The following LRR1 variants were observed in gnomAD, a reference collection of about 807,000 sequenced individuals.
LRR1 encodes leucine rich repeat protein 1, also known as leucine-rich repeat protein 1.
LRR1 carries 29 observed loss-of-function variants against 31.6 expected under a neutral mutation model. The observed-to-expected ratio is 0.92, with a 90% CI of 0.68 to 1.25. The LOEUF is 1.25. Among genes scored for constraint, LRR1 ranks in the 50% most tolerant of loss-of-function variants. LRR1 has a pLI of 0.00. For missense variants in LRR1, 485 were observed against 487.2 expected, an observed-to-expected ratio of 1.00 and a Z score of 0.04; for synonymous variants, 179 against 181.4, an observed-to-expected ratio of 0.99 and a Z score of 0.10.
At position 49,599,127 on chromosome 14, in the gene LRR1, C is replaced by T. The variant is rs1881932330; in HGVS notation, c.107C>T (p.Thr36Ile). Residue 36 changes from threonine to isoleucine, a missense_variant, in exon 1 of 4, where the codon ACT (threonine) becomes ATT (isoleucine). Coordinates refer to ENST00000298288, the MANE Select transcript of LRR1 (RefSeq NM_152329.4). The part of the protein sequence containing the change: ...VRAVLSLCQQ[T>I]SRSQPPVRAF... ...GCCGTGTTGAGCCTCTGTCAGCAGA[C>T]TTCCAGGAGTCAGCCGCCGGTCCGA... The T allele has an allele frequency of 1.2e-6, 2 of 1,608,964 alleles. No homozygotes were observed. Among genetic ancestry groups the T allele is most frequent in the Admixed American group, 1.7e-5 (1 of 59,064 alleles).
Position 49,599,919 on chromosome 14 carries a change from G to A in LRR1, c.183+716G>A, listed in dbSNP as rs1594582584. ...GGCGACGGCGGCGGACCCTCCAGGC[G>A]GGCTGAGGCTGAGCCCGGGGCCGGG... On this transcript the variant is annotated intron_variant, in intron 1 of 3. Coordinates refer to ENST00000298288, the MANE Select transcript of LRR1 (RefSeq NM_152329.4). 6.7e-6 allele frequency: 8 copies of A among 1,186,796 alleles called. No individual in the cohort carries two copies. The East Asian group carries it at 2.5e-4, about 37-fold the overall frequency. The allele number at this position is 1,186,796 out of a possible 1,614,324, so 73.5% of individuals were successfully genotyped here.
chr14:49,611,495 TAAATA>T (rs1882511023), intron 3 of LRR1, among the ~76,000 whole-genome samples: 2 of 152,066 alleles, frequency 1.3e-5, no homozygotes, highest in South Asian at 4.1e-4. Context: ...ATCAGTTAAT[TAAATA>T]AAATCACCAG....
intron 2 of LRR1, 50 bp downstream of exon 2, chr14:49,602,518 T>A (rs774547853): frequency 4.0e-6 from 6 of 1,489,174 alleles, no homozygotes; most frequent in Non-Finnish European, 5.6e-6. Flanking sequence ...ATTTTCTTTA[T>A]TTTTTAGAAA....
intron 1 of LRR1, chr14:49,600,619 A>G: frequency 2.0e-6 from 3 of 1,516,274 alleles, no homozygotes; most frequent in Admixed American, 2.1e-5. Flanking sequence ...CGTGAGAAAC[A>G]TCTTCAGTGG....
In LRR1 at chr14:49,614,416, T is replaced by G. The variant is rs1382995795; in HGVS notation, c.1165T>G (p.Leu389Val). The stretch of plus-strand genomic sequence containing the variant: ...CCACACTGTGGTCTTAGTAGATAAT[T>G]TGGGTGGTACTGAAGCACCTATTAT... ...VAHTVVLVDN[L>V]GGTEAPIISY... Residue 389 changes from leucine to valine, a missense_variant, in exon 4 of 4, where the codon TTG (leucine) becomes GTG (valine). Leu to Val is a conservative substitution (Grantham distance 32). Transcript: ENST00000298288. The G allele has an allele frequency of 6.2e-7, 1 of 1,613,900 alleles. No homozygotes were observed.
Position 49,600,531 on chromosome 14 carries a change from A to G in LRR1, c.183+1328A>G, listed in dbSNP as rs181186958. 2.4e-3 allele frequency: 3,702 copies of G among 1,569,230 alleles called. 32 individuals carry two copies. In the African/African-American group the frequency reaches 0.027, roughly 11 times the overall value. On this transcript the variant is annotated intron_variant, in intron 1 of 3. Coordinates refer to ENST00000298288, the MANE Select transcript of LRR1 (RefSeq NM_152329.4). The stretch of plus-strand genomic sequence containing the variant: ...GAAGACTGTTTTTGATGAGGCTATC[A>G]TAGCCATTTTAACTCCAAAGAAACA...
chr14:49,601,952 A>G (rs1336159810), intron 1 of LRR1, among the ~76,000 whole-genome samples: 5 of 151,748 alleles, frequency 3.3e-5, no homozygotes, highest in African/African-American at 1.2e-4. Context: ...GGCCAACATG[A>G]TGAAACCGTG....
intron 2 of LRR1, among the ~76,000 whole-genome samples, chr14:49,606,293 C>T (rs1489925153): frequency 6.6e-6 from 1 of 151,236 alleles, no homozygotes; most frequent in Admixed American, 6.6e-5. Flanking sequence ...TCCCAAAGTG[C>T]TAGGATTATA....
At chr14:49,601,624 C>T (rs555279159) in intron 1 of LRR1, 1 of 1,289,528 alleles carries the variant, frequency 7.8e-7, no homozygotes, top group South Asian at 1.2e-5. Flanking sequence ...GTGCCCACCC[C>T]AGGCTAATGG....
chr14:49,608,158 A>G lies in LRR1; in HGVS notation c.1004+37A>G, dbSNP rs765788555. ...ATAGTCATGTAATGTGGTGTCTTTG[A>G]TAGCATTCTAATATTCCTATCAAAC... On this transcript the variant is annotated intron_variant, in intron 3 of 3. Coordinates refer to ENST00000298288, the MANE Select transcript of LRR1 (RefSeq NM_152329.4). The G allele has an allele frequency of 5.3e-6, 8 of 1,502,384 alleles. No individual in the cohort carries two copies. In the African/African-American group the frequency reaches 1.1e-4, roughly 21 times the overall value. The allele number at this position is 1,502,384 out of a possible 1,614,324, so 93.1% of individuals were successfully genotyped here. A position where few individuals can be genotyped will look rare whatever the true frequency, so the allele number is the denominator to read the frequency against.
chr14:49,610,602 G>A (rs1334365478), intron 3 of LRR1, among the ~76,000 whole-genome samples: 3 of 150,858 alleles, frequency 2.0e-5, no homozygotes, highest in Non-Finnish European at 4.4e-5. Context: ...TTTCACTCTT[G>A]CCCGGGCTGG....
chr14:49,599,994 AT>A (rs1360957149), intron 1 of LRR1: 20 of 1,603,688 alleles, frequency 1.2e-5, no homozygotes, highest in Non-Finnish European at 1.7e-5. Context: ...CAGCAGCATC[AT>A]GGCTCACGGG....
At chr14:49,612,372 A>T in intron 3 of LRR1, 1 of 781,252 alleles carries the variant, frequency 1.3e-6, no homozygotes, top group Non-Finnish European at 1.6e-6. Flanking sequence ...ACTACTGGTT[A>T]CAAGCATACA....
At chr14:49,604,684 C>T (rs1012734093) in intron 2 of LRR1, among the ~76,000 whole-genome samples, 2 of 151,998 alleles carry the variant, frequency 1.3e-5, no homozygotes, top group Non-Finnish European at 2.9e-5. Flanking sequence ...TAGAGCAAGA[C>T]CCTGTCTCAA....
rs1331301016 is a variant in LRR1 at position 49,614,542 on chromosome 14, G to A, written c.*46G>A. ...AATTTCAATAACAGATCAGTTTGGG[G>A]TGCATGTATGATTTTGCAGCGTCAA... On this transcript the variant is annotated 3_prime_UTR_variant, in exon 4 of 4. Coordinates refer to ENST00000298288, the MANE Select transcript of LRR1 (RefSeq NM_152329.4). 3 of 1,610,842 alleles carry A rather than the reference G, an allele frequency of 1.9e-6. No homozygotes were observed. Among genetic ancestry groups the A allele is most frequent in the African/African-American group, 2.7e-5 (2 of 74,882 alleles).
Position 49,607,520 on chromosome 14 carries a change from A to G in LRR1, c.403A>G (p.Lys135Glu). 1 of 1,614,128 alleles carries G rather than the reference A, an allele frequency of 6.2e-7. No homozygotes were observed. The highest frequency in any genetic ancestry group is 8.5e-7 in the Non-Finnish European group (1 of 1,179,998). The change falls in exon 3 of 4, where the codon AAA becomes GAA. Residue 135 changes from lysine (K) to glutamate (E), a missense_variant. Around this residue, in one of 3 missense-constraint regions of LRR1, gnomAD observed 260 missense variants for 249.6 expected, o/e 1.04. Coordinates refer to ENST00000298288, the MANE Select transcript of LRR1 (RefSeq NM_152329.4). The part of the protein sequence containing the change: ...PVKTSEFENF[K>E]TKMVITSKKD... The stretch of plus-strand genomic sequence containing the variant: ...GAAGACTTCAGAATTTGAAAACTTT[A>G]AAACTAAAATGGTTATCACATCCAA...
At chr14:49,603,939 C>T (rs1399669376) in intron 2 of LRR1, among the ~76,000 whole-genome samples, 1 of 151,312 alleles carries the variant, frequency 6.6e-6, no homozygotes, top group Non-Finnish European at 1.5e-5. Flanking sequence ...GATCCGCCCA[C>T]CTTGGCCGCC....
chr14:49,608,297 C>T (rs1882364896), intron 3 of LRR1, among the ~76,000 whole-genome samples, 176 bp downstream of exon 3: 1 of 151,548 alleles, frequency 6.6e-6, no homozygotes, highest in Admixed American at 6.6e-5. Context: ...CAGGAAGTCT[C>T]ATTGCTCACT....
intron 2 of LRR1, among the ~76,000 whole-genome samples, chr14:49,605,342 C>G (rs1018018192): frequency 3.3e-5 from 5 of 152,064 alleles, no homozygotes; most frequent in African/African-American, 1.2e-4. Context: ...CTTATTCTTT[C>G]ACTAATTCTT....
Sources: allele counts gnomAD v4.1 joint callset (sites outside exome capture counted in the v4.1 genomes callset), GRCh38; gene constraint gnomAD v4.1.1; regional missense constraint gnomAD v4.1.1; transcripts MANE v1.5; gene names NCBI Gene and HGNC (gene_info 2026-07-23, HGNC 2026-07-21).